The following MARCHF1 variants were observed in gnomAD, a reference collection of about 807,000 sequenced individuals.
The protein encoded by MARCHF1 is E3 ubiquitin-protein ligase MARCHF1.
A neutral mutation model predicts 54.2 loss-of-function variants in MARCHF1; 40 were observed. That is an observed-to-expected ratio of 0.74 (90% confidence interval 0.57 to 0.96). The LOEUF (loss-of-function observed/expected upper bound fraction) is 0.96, where lower values mean the gene tolerates loss of function less well. Ranked by LOEUF, MARCHF1 falls within the 40% of genes least tolerant of loss-of-function variation. The pLI, the probability that MARCHF1 is intolerant of heterozygous loss-of-function variation, is 0.00. For synonymous variants in MARCHF1, 236 were observed against 236.3 expected (o/e 1.00, Z 0.01); for missense variants, 586 against 656.5 (o/e 0.89, Z 1.17).
chr4:163,813,011 A>G (rs1292111055), intron 4 of MARCHF1, among the ~76,000 whole-genome samples: 1 of 152,210 alleles, frequency 6.6e-6, no homozygotes, highest in African/African-American at 2.4e-5. Context: ...ATTATAGTTA[A>G]ATGAGCTATA....
intron 4 of MARCHF1, among the ~76,000 whole-genome samples, chr4:163,723,152 C>T (rs111509458): frequency 1.4e-4 from 22 of 152,306 alleles, no homozygotes; most frequent in African/African-American, 5.1e-4. Context: ...TGGTTTTGCA[C>T]TGGCTGGTAC....
intron 2 of MARCHF1, among the ~76,000 whole-genome samples, chr4:164,042,872 A>G (rs994992507): frequency 6.6e-6 from 1 of 152,244 alleles, no homozygotes; most frequent in Non-Finnish European, 1.5e-5. Context: ...AGACGGCTAC[A>G]GGTCCCATGC....
At chr4:163,700,355 A>G (rs1744769326) in intron 5 of MARCHF1, among the ~76,000 whole-genome samples, 3 of 151,976 alleles carry the variant, frequency 2.0e-5, no homozygotes. Context: ...AAATACAAAA[A>G]TTAGCTGGGC....
chr4:163,847,748 CT>C (rs1749528087), intron 4 of MARCHF1, among the ~76,000 whole-genome samples: 1 of 151,354 alleles, frequency 6.6e-6, no homozygotes. Context: ...GCCTGGCTAA[CT>C]TTTTGTATTT....
At chr4:163,779,808 G>C (rs905351313) in intron 4 of MARCHF1, among the ~76,000 whole-genome samples, 1 of 151,934 alleles carries the variant, frequency 6.6e-6, no homozygotes, top group Non-Finnish European at 1.5e-5. Flanking sequence ...GTCATCCACT[G>C]CCTACTTGAA....
At chr4:163,593,075 T>C (rs958130200) in intron 7 of MARCHF1, among the ~76,000 whole-genome samples, 2 of 152,200 alleles carry the variant, frequency 1.3e-5, no homozygotes, top group African/African-American at 4.8e-5. Flanking sequence ...CAGAGGACCA[T>C]GTATTTCTGC....
chr4:163,631,641 G>A lies in MARCHF1; in HGVS notation c.163-18248C>T, dbSNP rs183322547. Among the ~76,000 whole-genome samples the A allele has an allele frequency of 2.4e-3, 367 of 152,168 alleles. 6 individuals are homozygous for A. Among genetic ancestry groups the A allele is most frequent in the Middle Eastern group, 6.8e-3 (2 of 294 alleles). Reference sequence around the variant, plus strand: ...AAGTTTCAGGGAATATACAACTTACGTAAATATAAACAATACACAGATACA... The same window carrying A: ...AAGTTTCAGGGAATATACAACTTACATAAATATAAACAATACACAGATACA... On this transcript the variant is annotated intron_variant, in intron 5 of 9. Transcript: ENST00000514618.
intron 1 of MARCHF1, among the ~76,000 whole-genome samples, chr4:164,365,091 C>G (rs924909): frequency 0.51 from 77,990 of 151,690 alleles, 20,965 homozygotes; most frequent in East Asian, 0.65. Context: ...ACTATGTCTT[C>G]ATCATTCCCT....
chr4:163,750,468 G>A (rs1331474062), intron 4 of MARCHF1, among the ~76,000 whole-genome samples: 5 of 151,420 alleles, frequency 3.3e-5, no homozygotes, highest in Admixed American at 6.6e-5. Flanking sequence ...CTGAGATCGC[G>A]CCACTGCACT....
At chr4:164,298,482 C>G (rs1446329432) in intron 1 of MARCHF1, among the ~76,000 whole-genome samples, 1 of 151,870 alleles carries the variant, frequency 6.6e-6, no homozygotes, top group African/African-American at 2.4e-5. Context: ...AATTTGTAGC[C>G]CAGAACGTGG....
chr4:163,999,462 AAC>A (rs1253575951), intron 2 of MARCHF1, among the ~76,000 whole-genome samples: 1 of 151,622 alleles, frequency 6.6e-6, no homozygotes, highest in Non-Finnish European at 1.5e-5. Flanking sequence ...AGAGTATTCA[AAC>A]ACACAGTAAA....
chr4:163,827,114 A>AT (rs895109257), intron 4 of MARCHF1, among the ~76,000 whole-genome samples: 4 of 151,674 alleles, frequency 2.6e-5, no homozygotes, highest in African/African-American at 4.8e-5. Flanking sequence ...AAAACATCTT[A>AT]TTTTTTTGTG....
chr4:164,000,519 A>C (rs1048921136), intron 2 of MARCHF1, among the ~76,000 whole-genome samples: 3 of 151,662 alleles, frequency 2.0e-5, no homozygotes, highest in African/African-American at 7.2e-5. Context: ...CAAGAGAGAG[A>C]GACTGAGAAA....
chr4:164,006,155 G>A (rs1268597170), intron 2 of MARCHF1, among the ~76,000 whole-genome samples: 2 of 152,122 alleles, frequency 1.3e-5, no homozygotes, highest in African/African-American at 2.4e-5. Context: ...GCAATAAATT[G>A]TAAGTTCTCT....
intron 4 of MARCHF1, among the ~76,000 whole-genome samples, chr4:163,759,877 G>T (rs891976507): frequency 2.6e-5 from 4 of 152,110 alleles, no homozygotes; most frequent in African/African-American, 4.8e-5. Context: ...TAAAGCTGAT[G>T]TGAGCACACA....
chr4:164,265,197 C>T (rs1247690784), intron 1 of MARCHF1, among the ~76,000 whole-genome samples: 1 of 151,978 alleles, frequency 6.6e-6, no homozygotes, highest in Non-Finnish European at 1.5e-5. Flanking sequence ...AATGTTATCA[C>T]AATTTGATAC....
chr4:163,810,079 G>A (rs1579304354), intron 4 of MARCHF1, among the ~76,000 whole-genome samples: 2 of 152,034 alleles, frequency 1.3e-5, no homozygotes, highest in South Asian at 2.1e-4. Flanking sequence ...GGGAAAGACC[G>A]ATGCAAGGTG....
chr4:164,341,636 T>A (rs1729933944), intron 1 of MARCHF1, among the ~76,000 whole-genome samples: 1 of 152,202 alleles, frequency 6.6e-6, no homozygotes, highest in Non-Finnish European at 1.5e-5. Context: ...GGTTGCTGTG[T>A]CATCATGTGG....
intron 4 of MARCHF1, among the ~76,000 whole-genome samples, chr4:163,852,824 A>G (rs1250313710): frequency 6.6e-6 from 1 of 152,162 alleles, no homozygotes; most frequent in Non-Finnish European, 1.5e-5. Flanking sequence ...TATCCTCCCA[A>G]AATTCATGTC....
Sources: gnomAD v4.1 joint callset for allele counts (sites outside exome capture counted in the v4.1 genomes callset) on GRCh38, gnomAD v4.1.1 for gene constraint, MANE v1.5 for transcripts, NCBI Gene and HGNC (gene_info 2026-07-23, HGNC 2026-07-21) for gene names.